PABIR3: variants seen among roughly 807,000 people sequenced by gnomAD.
PABIR3 encodes the protein PABIR family member 3.
Under a neutral mutation model 23.1 loss-of-function variants are expected in PABIR3, and 20 were observed. The ratio of observed to expected loss-of-function variants is 0.86; its 90% CI spans 0.61 to 1.26. PABIR3 has a LOEUF of 1.26. PABIR3 is among the 50% of genes most tolerant of loss of function. The pLI is 0.00. For synonymous variants in PABIR3, 69 were observed against 68.5 expected, an observed-to-expected ratio of 1.01 and a Z score of -0.04; for missense variants, 189 against 195.4, an observed-to-expected ratio of 0.97 and a Z score of 0.20.
downstream of PABIR3, among the ~76,000 whole-genome samples, chrX:134,858,520 T>C (rs907095318): frequency 3.6e-5 from 4 of 111,959 alleles, no homozygotes; most frequent in Admixed American, 9.6e-5. Flanking sequence ...ATATCCAAGA[T>C]GAAAATGCAT....
chrX:134,841,722 G>A (rs2082240385), intron 4 of PABIR3, among the ~76,000 whole-genome samples: 1 of 110,250 alleles, frequency 9.1e-6, no homozygotes, highest in Non-Finnish European at 1.9e-5. Context: ...CCAGCTACTC[G>A]GGAGTCTGAG....
At chrX:134,830,451 G>A (rs1338027033) in intron 4 of PABIR3, among the ~76,000 whole-genome samples, 3 of 100,202 alleles carry the variant, frequency 3.0e-5, no homozygotes, top group Non-Finnish European at 3.9e-5. Flanking sequence ...TCCTGCCTAA[G>A]CCTCCCAAGT....
At chrX:134,851,948 A>C (rs1460550605) in intron 9 of PABIR3, among the ~76,000 whole-genome samples, 1 of 112,238 alleles carries the variant, frequency 8.9e-6, no homozygotes, top group Non-Finnish European at 1.9e-5. Context: ...TGCAGATTTT[A>C]ACATTTACTT....
chrX:134,848,642 G>T (rs1384562599), intron 8 of PABIR3, among the ~76,000 whole-genome samples: 2 of 111,741 alleles, frequency 1.8e-5, no homozygotes, highest in East Asian at 5.6e-4. Context: ...TCAAAATCCT[G>T]AATCCTTGAG....
Position 134,847,478 on chromosome X carries a change from A to T in PABIR3, c.438+3A>T, listed in dbSNP as rs199713226. 4.3e-6 allele frequency: 5 copies of T among 1,154,817 alleles called. No homozygotes were observed. In the African/African-American group the frequency reaches 8.9e-5, roughly 20 times the overall value. On this transcript the variant is annotated splice_donor_region_variant and intron_variant, in intron 7 of 10. Coordinates refer to ENST00000645433, the MANE Select transcript of PABIR3 (RefSeq NM_001388447.1). ...CTTCCATCAAGAAGACTGGGAAGGT[A>T]AGAAAGGAGTACCTAAAAGTCTATG...
intron 6 of PABIR3, among the ~76,000 whole-genome samples, chrX:134,846,210 C>T (rs1212610992): frequency 4.5e-5 from 5 of 111,304 alleles, no homozygotes; most frequent in East Asian, 2.8e-4. Context: ...CTCACTACCA[C>T]GAGAACAGCA....
chrX:134,853,267 C>T (rs993239123), intron 10 of PABIR3, among the ~76,000 whole-genome samples: 5 of 110,818 alleles, frequency 4.5e-5, no homozygotes, highest in Non-Finnish European at 7.6e-5. Context: ...GGGGTTTTTC[C>T]ATGTTGCCCA....
rs1161563471 is a variant in PABIR3 at position 134,839,453 on chromosome X, G to A, written c.247-5752G>A. 3.7e-5 allele frequency: 5 copies of A among 135,069 alleles called. No individual in the cohort carries two copies. The Middle Eastern group carries it at 9.9e-3, about 267-fold the overall frequency. The allele number at this position is 135,069 out of a possible 1,213,427, so 11.1% of individuals were successfully genotyped here. A position where few individuals can be genotyped will look rare whatever the true frequency, so the allele number is the denominator to read the frequency against. On this transcript the variant is annotated intron_variant, in intron 4 of 10. Transcript: ENST00000645433. Reference sequence around the variant, plus strand: ...CGTCTGAGAAGTGAGGAGCCCCTCCGCCCAGCAGCCGCCCCGTCTGAGAAG... The same window carrying A: ...CGTCTGAGAAGTGAGGAGCCCCTCCACCCAGCAGCCGCCCCGTCTGAGAAG...
At chrX:134,825,544 G>C (rs1392553874) in intron 3 of PABIR3, among the ~76,000 whole-genome samples, 1 of 112,143 alleles carries the variant, frequency 8.9e-6, no homozygotes. Context: ...TTTGTTAGAA[G>C]GGTCAGCTAG....
chrX:134,814,931 C>T (rs949676252), intron 3 of PABIR3, 82 bp downstream of exon 3: 8 of 752,093 alleles, frequency 1.1e-5, no homozygotes, highest in African/African-American at 2.2e-5. Context: ...CTTGAGCATT[C>T]ACAGGGAGGG....
intron 2 of PABIR3, chrX:134,811,217 C>T: frequency 1.4e-6 from 1 of 696,700 alleles, no homozygotes; most frequent in East Asian, 1.6e-4. Flanking sequence ...TACTCTTTAT[C>T]TCTGTAATTG....
chrX:134,855,466 TTAAG>T (rs908862376), downstream of PABIR3, among the ~76,000 whole-genome samples: 5 of 111,366 alleles, frequency 4.5e-5, no homozygotes, highest in African/African-American at 1.6e-4. Context: ...AATATGTGCT[TTAAG>T]TAATTGGGGG....
chrX:134,820,827 C>T (rs1172072239), intron 3 of PABIR3, among the ~76,000 whole-genome samples: 1 of 108,690 alleles, frequency 9.2e-6, no homozygotes, highest in African/African-American at 3.3e-5. Flanking sequence ...TTGAGATTAG[C>T]CTGGTCAACA....
Position 134,849,242 on chromosome X carries a change from ACAGTAG to A in PABIR3, c.589+15_589+20del. ...TAAAAAGAAAAGGTACTTTTATCTA[ACAGTAG>A]AAGTAAATATAACTTTAAGTTATTT... On this transcript the variant is annotated intron_variant, in intron 9 of 10. Transcript: ENST00000645433. 1.3e-6 allele frequency: 1 copy of A among 745,156 alleles called. No homozygotes were observed. The highest frequency in any genetic ancestry group is 1.8e-6 in the Non-Finnish European group (1 of 570,606). The allele number at this position is 745,156 out of a possible 1,213,427, so 61.4% of individuals were successfully genotyped here. A position where few individuals can be genotyped will look rare whatever the true frequency, so the allele number is the denominator to read the frequency against.
chrX:134,807,751 G>A (rs1475857775), intron 2 of PABIR3, 43 bp downstream of exon 2: 2 of 1,098,331 alleles, frequency 1.8e-6, no homozygotes, highest in Non-Finnish European at 2.4e-6. Flanking sequence ...CGGTGGGGAG[G>A]AGGTGTTCGG....
At chrX:134,853,178 C>A (rs773764105) in intron 10 of PABIR3, among the ~76,000 whole-genome samples, 1 of 111,580 alleles carries the variant, frequency 9.0e-6, no homozygotes, top group East Asian at 2.8e-4. Context: ...AGTCCTCCCA[C>A]CTCAGCCTCC....
intron 1 of PABIR3, among the ~76,000 whole-genome samples, chrX:134,801,316 G>C (rs747140931): frequency 8.9e-6 from 1 of 112,444 alleles, no homozygotes; most frequent in Non-Finnish European, 1.9e-5. Context: ...CCAGAAAGGG[G>C]TAGAGGGGGC....
At chrX:134,853,454 A>G (rs1197955380) in intron 10 of PABIR3, among the ~76,000 whole-genome samples, 1 of 111,398 alleles carries the variant, frequency 9.0e-6, no homozygotes, top group Non-Finnish European at 1.9e-5. Context: ...ATTAAGAGAT[A>G]TTAGAGAAAT....
chrX:134,832,748 T>C (rs1462374461), intron 4 of PABIR3, among the ~76,000 whole-genome samples: 2 of 111,383 alleles, frequency 1.8e-5, no homozygotes, highest in African/African-American at 6.5e-5. Flanking sequence ...ACTGTTTATA[T>C]GTATCACATT....
Sources: gnomAD v4.1 joint callset for allele counts (sites outside exome capture counted in the v4.1 genomes callset) on GRCh38, gnomAD v4.1.1 for gene constraint, MANE v1.5 for transcripts, NCBI Gene and HGNC (gene_info 2026-07-23, HGNC 2026-07-21) for gene names.